Variants in SAMMSON observed in about 807,000 individuals in gnomAD.
The protein encoded by SAMMSON is survival associated mitochondrial melanoma specific oncogenic non-coding RNA, also known as long intergenic non-protein coding RNA 1212.
intron 3 of SAMMSON, among the ~76,000 whole-genome samples, chr3:70,049,610 G>A (rs1241143518): frequency 6.6e-6 from 1 of 152,038 alleles, no homozygotes; most frequent in African/African-American, 2.4e-5. Context: ...AATGGCCAAA[G>A]CCCATTAATG....
chr3:70,198,767 C>G (rs1290276543), intron 4 of SAMMSON, among the ~76,000 whole-genome samples: 2 of 152,132 alleles, frequency 1.3e-5, no homozygotes, highest in Non-Finnish European at 2.9e-5. Flanking sequence ...CTACTGTGTA[C>G]AAACTCATCT....
chr3:70,010,069 A>C (rs1471759712), intron 1 of SAMMSON, among the ~76,000 whole-genome samples: 1 of 152,056 alleles, frequency 6.6e-6, no homozygotes, highest in Non-Finnish European at 1.5e-5. Flanking sequence ...CTACGTGGTC[A>C]ATTTTGGAAT....
intron 9 of SAMMSON, among the ~76,000 whole-genome samples, chr3:70,379,459 C>G (rs976102359): frequency 2.0e-5 from 3 of 152,090 alleles, no homozygotes; most frequent in African/African-American, 7.2e-5. Context: ...GAAAAGGAAG[C>G]AGGATTGGGC....
intron 4 of SAMMSON, among the ~76,000 whole-genome samples, chr3:70,197,622 C>T (rs1442611876): frequency 6.6e-6 from 1 of 152,186 alleles, no homozygotes; most frequent in Non-Finnish European, 1.5e-5. Flanking sequence ...TTTCTTGTCA[C>T]TAGGCTTTGT....
chr3:70,364,419 CTT>C (rs1361178710), intron 9 of SAMMSON, among the ~76,000 whole-genome samples: 6 of 151,846 alleles, frequency 4.0e-5, no homozygotes, highest in Non-Finnish European at 2.9e-5. Context: ...CAACAAAGCT[CTT>C]TTGTTTTGTT....
intron 7 of SAMMSON, among the ~76,000 whole-genome samples, chr3:70,312,894 T>G (rs1206926022): frequency 1.3e-5 from 2 of 152,124 alleles, no homozygotes; most frequent in African/African-American, 4.8e-5. Context: ...CTGCCATTCA[T>G]TACTTCAAGT....
chr3:70,194,348 G>A (rs1458992423), intron 4 of SAMMSON, among the ~76,000 whole-genome samples: 1 of 152,092 alleles, frequency 6.6e-6, no homozygotes. Context: ...AAATATCTGA[G>A]CCTTCTCAGA....
chr3:70,166,254 T>G (rs1244711407), intron 4 of SAMMSON, among the ~76,000 whole-genome samples: 1 of 151,954 alleles, frequency 6.6e-6, no homozygotes, highest in East Asian at 1.9e-4. Flanking sequence ...AAAAATGTCC[T>G]GGTTATTAGA....
At chr3:70,023,295 A>G (rs941718805) in intron 3 of SAMMSON, among the ~76,000 whole-genome samples, 2 of 151,586 alleles carry the variant, frequency 1.3e-5, no homozygotes, top group Non-Finnish European at 2.9e-5. Flanking sequence ...TCTCTAGTAA[A>G]AATACAAAAA....
At chr3:70,026,149 A>C (rs1357203817) in intron 3 of SAMMSON, among the ~76,000 whole-genome samples, 6 of 152,196 alleles carry the variant, frequency 3.9e-5, no homozygotes, top group Non-Finnish European at 5.9e-5. Context: ...TTATTTTGCT[A>C]AGGTGCTAAG....
chr3:70,204,325 T>A (rs1307163076), intron 4 of SAMMSON, among the ~76,000 whole-genome samples: 1 of 152,178 alleles, frequency 6.6e-6, no homozygotes, highest in South Asian at 2.1e-4. Flanking sequence ...AATTTCTGCA[T>A]CCTTAAATTA....
At chr3:70,361,509 A>G (rs1702870259) in intron 9 of SAMMSON, among the ~76,000 whole-genome samples, 1 of 152,208 alleles carries the variant, frequency 6.6e-6, no homozygotes, top group African/African-American at 2.4e-5. Context: ...TCCCAGAGCA[A>G]CAAGCCCCTT....
At chr3:70,282,134 A>C (rs1030823171) in intron 6 of SAMMSON, among the ~76,000 whole-genome samples, 3 of 152,072 alleles carry the variant, frequency 2.0e-5, no homozygotes, top group Non-Finnish European at 4.4e-5. Context: ...TGGGTCAGGG[A>C]ACCAAAATCT....
At chr3:70,431,370 A>G (rs1701411128) in intron 2 of SAMMSON, among the ~76,000 whole-genome samples, 1 of 152,012 alleles carries the variant, frequency 6.6e-6, no homozygotes, top group African/African-American at 2.4e-5. Context: ...ACCTGTGTTT[A>G]TGTCTGACAC....
chr3:70,280,047 G>A (rs1391398722), intron 6 of SAMMSON, among the ~76,000 whole-genome samples: 1 of 152,154 alleles, frequency 6.6e-6, no homozygotes, highest in African/African-American at 2.4e-5. Flanking sequence ...TTTCACTGGA[G>A]CAAAATCAAG....
chr3:70,415,454 G>T (rs1233643222), intron 2 of SAMMSON, among the ~76,000 whole-genome samples: 1 of 152,062 alleles, frequency 6.6e-6, no homozygotes, highest in African/African-American at 2.4e-5. Context: ...CAACCTGATT[G>T]TTTGATGTTT....
intron 7 of SAMMSON, among the ~76,000 whole-genome samples, chr3:70,297,678 A>C (rs74954806): frequency 0.013 from 2,013 of 152,194 alleles, 31 homozygotes; most frequent in African/African-American, 0.045. Context: ...GAGGAGTTAA[A>C]ATATTTTCTT....
At chr3:70,222,261 T>C (rs1701466971) in intron 4 of SAMMSON, among the ~76,000 whole-genome samples, 1 of 152,186 alleles carries the variant, frequency 6.6e-6, no homozygotes, top group South Asian at 2.1e-4. Context: ...TTTTGGCAAC[T>C]GGAGATGAAG....
intron 4 of SAMMSON, among the ~76,000 whole-genome samples, chr3:70,226,804 G>C (rs916797383): frequency 6.6e-6 from 1 of 151,514 alleles, no homozygotes; most frequent in African/African-American, 2.4e-5. Context: ...ATTCTGAAGA[G>C]AAGACAAAGT....
Sources: allele counts gnomAD v4.1 joint callset (sites outside exome capture counted in the v4.1 genomes callset), GRCh38; gene constraint gnomAD v4.1.1; transcripts MANE v1.5; gene names NCBI Gene and HGNC (gene_info 2026-07-23, HGNC 2026-07-21).